The following IP6K3 variants were observed in gnomAD, a reference collection of about 807,000 sequenced individuals.
The protein encoded by IP6K3 is inositol hexakisphosphate kinase 3.
In IP6K3, 20 loss-of-function variants were observed where a neutral mutation model predicts 28.8. The ratio of observed to expected loss-of-function variants is 0.70; its 90% CI spans 0.49 to 1.01. IP6K3 has a LOEUF of 1.01. Among genes scored for constraint, IP6K3 ranks in the 50% least tolerant of loss-of-function variants. The pLI is 0.00. For synonymous variants in IP6K3, 213 were observed against 221.3 expected, an observed-to-expected ratio of 0.96 and a Z score of 0.33; for missense variants, 480 against 537.1, an observed-to-expected ratio of 0.89 and a Z score of 1.05.
At chr6:33,740,840 G>A (rs1403980766) in intron 1 of IP6K3, among the ~76,000 whole-genome samples, 1 of 152,228 alleles carries the variant, frequency 6.6e-6, no homozygotes, top group Admixed American at 6.5e-5. Flanking sequence ...GGTGGCAGAC[G>A]AAACCACAAA....
rs1284246111 is a variant in IP6K3 at position 33,722,984 on chromosome 6, G to A, written c.969C>T (p.Ser323=). Residue 323 remains serine (S), a synonymous_variant, in exon 6 of 6, where the codon TCC becomes TCT. Transcript: ENST00000293756. ...IRSQSSYRFY[S]SSLLVIYDGQ... is the part of the protein sequence containing the mutation. ...CATCATAGATGACAAGGAGAGAGCT[G>A]GAATAGAAGCGGTATGAACTCTGGC... The A allele has an allele frequency of 6.2e-7, 1 of 1,614,046 alleles. No homozygotes were observed. The highest frequency in any genetic ancestry group is 1.7e-5 in the Admixed American group (1 of 59,998).
chr6:33,751,483 CGTGTGTGTGTGT>C (rs762389623), upstream of IP6K3, among the ~76,000 whole-genome samples: 1 of 61,522 alleles, frequency 1.6e-5, no homozygotes, highest in Non-Finnish European at 4.0e-5. The surrounding 1 kb of genome is among the most constrained non-coding windows in gnomAD (Gnocchi z 4.3). Flanking sequence ...CTCTGCAGGC[CGTGTGTGTGTGT>C]GTGTGTGTGT....
At chr6:33,737,428 T>A (rs1766567206) in intron 1 of IP6K3, among the ~76,000 whole-genome samples, 1 of 152,226 alleles carries the variant, frequency 6.6e-6, no homozygotes, top group Non-Finnish European at 1.5e-5. Flanking sequence ...CTCCTGGTCA[T>A]GGATGCCACC....
chr6:33,733,884 C>T (rs563509977), intron 2 of IP6K3, among the ~76,000 whole-genome samples: 1 of 152,226 alleles, frequency 6.6e-6, no homozygotes, highest in East Asian at 1.9e-4. Flanking sequence ...GTCCCCCTAC[C>T]GGCATTAGGT....
intron 4 of IP6K3, among the ~76,000 whole-genome samples, chr6:33,726,141 G>C (rs1482226368): frequency 6.6e-6 from 1 of 152,218 alleles, no homozygotes; most frequent in Non-Finnish European, 1.5e-5. Flanking sequence ...TTTGCAGGAA[G>C]GAGCAGAGCA....
chr6:33,762,133 G>C, the IP6K3 span, among the ~76,000 whole-genome samples: 1 of 152,232 alleles, frequency 6.6e-6, no homozygotes, highest in East Asian at 1.9e-4. Flanking sequence ...GAGCCCTTGT[G>C]TGTTCAGCCT....
chr6:33,739,521 C>G (rs754449099), intron 1 of IP6K3, among the ~76,000 whole-genome samples: 6 of 152,108 alleles, frequency 3.9e-5, no homozygotes, highest in Non-Finnish European at 7.4e-5. Flanking sequence ...TGTGGCTTCC[C>G]CTTGGCACTG....
chr6:33,722,827 T>C lies in IP6K3; in HGVS notation c.1126A>G (p.Lys376Glu), dbSNP rs888857794. 7 of 1,613,884 alleles carry C rather than the reference T, an allele frequency of 4.3e-6. No homozygotes were observed. In the African/African-American group the frequency reaches 8.0e-5, roughly 18 times the overall value. The part of the protein sequence containing the change: ...RMIDFAHTTY[K>E]GYWNEHTTYD... ...GTGGTGTGCTCATTCCAGTAGCCCT[T>C]GTATGTGGTATGAGCAAAGTCAATC... The change falls in exon 6 of 6, where the codon AAG (lysine) becomes GAG (glutamate). Residue 376 changes from lysine (K) to glutamate (E), a missense_variant. Lys to Glu is a moderately conservative substitution (Grantham distance 56, BLOSUM62 1). Transcript: ENST00000293756.
chr6:33,728,402 G>GCT, intron 2 of IP6K3, 102 bp from the exon 3 acceptor site: 1 of 1,041,006 alleles, frequency 9.6e-7, no homozygotes, highest in East Asian at 2.5e-5. Flanking sequence ...TAATGGCCCT[G>GCT]GTCCACCTCC....
At chr6:33,757,390 C>T in the IP6K3 span, among the ~76,000 whole-genome samples, 1 of 152,186 alleles carries the variant, frequency 6.6e-6, no homozygotes, top group East Asian at 1.9e-4. Flanking sequence ...GCCTTGGTGC[C>T]ACAGCTAGAA....
chr6:33,727,091 C>G (rs1766147904), intron 3 of IP6K3, among the ~76,000 whole-genome samples, 185 bp from the exon 4 acceptor site: 1 of 152,220 alleles, frequency 6.6e-6, no homozygotes, highest in South Asian at 2.1e-4. Flanking sequence ...GATTTCACCA[C>G]ACTGCAGCCC....
At chr6:33,750,195 A>G (rs148793909), upstream of IP6K3, among the ~76,000 whole-genome samples, 1,976 of 152,310 alleles carry the variant, frequency 0.013, 16 homozygotes, top group Middle Eastern at 0.027. This position sits in a 1 kb window ranked among gnomAD's most constrained non-coding sequence, Gnocchi z 4.3. Flanking sequence ...CCATGTGGTC[A>G]TGGATGACTT....
At chr6:33,733,724 A>C (rs1314654755) in intron 2 of IP6K3, among the ~76,000 whole-genome samples, 1 of 152,226 alleles carries the variant, frequency 6.6e-6, no homozygotes, top group Non-Finnish European at 1.5e-5. Flanking sequence ...AGGCCCACAC[A>C]GGCAGCCCAT....
chr6:33,731,167 G>A (rs1021233232), intron 2 of IP6K3, among the ~76,000 whole-genome samples: 72 of 152,176 alleles, frequency 4.7e-4, no homozygotes, highest in African/African-American at 1.6e-3. Context: ...GGGGAACCCC[G>A]AGGCCTCCTA....
chr6:33,728,474 G>A (rs1417294806), intron 2 of IP6K3, among the ~76,000 whole-genome samples, 174 bp from the exon 3 acceptor site: 2 of 152,196 alleles, frequency 1.3e-5, no homozygotes, highest in African/African-American at 4.8e-5. Flanking sequence ...TGCCTGAACC[G>A]ATCCTGTCCC....
In IP6K3 at chr6:33,722,819, G is replaced by A; in HGVS notation, c.1134C>T (p.Tyr378=). The change falls in exon 6 of 6, where the codon TAC becomes TAT. Residue 378 remains tyrosine, a synonymous_variant. Coordinates refer to ENST00000293756, the MANE Select transcript of IP6K3 (RefSeq NM_054111.5). The part of the protein sequence containing the change: ...IDFAHTTYKG[Y]WNEHTTYDGP... The stretch of plus-strand genomic sequence containing the variant: ...CATCGTAGGTGGTGTGCTCATTCCA[G>A]TAGCCCTTGTATGTGGTATGAGCAA... 1 of 1,614,162 alleles carries A rather than the reference G, an allele frequency of 6.2e-7. No individual in the cohort carries two copies. The highest frequency in any genetic ancestry group is 8.5e-7 in the Non-Finnish European group (1 of 1,180,016).
intron 5 of IP6K3, among the ~76,000 whole-genome samples, chr6:33,724,412 G>A (rs540604713): frequency 1.2e-4 from 19 of 152,292 alleles, no homozygotes; most frequent in East Asian, 3.9e-4. Flanking sequence ...AACGTTTACC[G>A]TCAAATCAGT....
At chr6:33,733,861 G>C (rs887795782) in intron 2 of IP6K3, among the ~76,000 whole-genome samples, 15 of 152,314 alleles carry the variant, frequency 9.8e-5, no homozygotes, top group African/African-American at 2.6e-4. Flanking sequence ...AATGCTCAAG[G>C]CTCCAGGCCC....
rs375834997 is a variant in IP6K3 at position 33,726,895 on chromosome 6, G to A, written c.425C>T (p.Ala142Val). ...ARSPKESPAKALLRSEPHLNT... is the reference protein window; with the variant it reads ...ARSPKESPAKVLLRSEPHLNT... ...GAGGTGGGGCTCGGACCTCAGAAGA[G>A]CCTTGGCCGGGCTGCGGCGGAGTGG... Residue 142 changes from alanine to valine, a missense_variant, in exon 4 of 6, where the codon GCT becomes GTT. Physicochemically the swap from Ala to Val is moderately conservative, Grantham distance 64 (BLOSUM62 0). Coordinates refer to ENST00000293756, the MANE Select transcript of IP6K3 (RefSeq NM_054111.5). 2.6e-5 allele frequency: 41 copies of A among 1,601,868 alleles called. No homozygotes were observed. Among genetic ancestry groups the A allele is most frequent in the Non-Finnish European group, 3.2e-5 (38 of 1,170,476 alleles).
Sources: gnomAD v4.1 joint callset for allele counts (sites outside exome capture counted in the v4.1 genomes callset) on GRCh38, gnomAD v4.1.1 for gene constraint, Gnocchi (gnomAD v3.1) non-coding constraint, MANE v1.5 for transcripts, NCBI Gene and HGNC (gene_info 2026-07-23, HGNC 2026-07-21) for gene names.